Variants in DPYSL5 observed in about 807,000 individuals in gnomAD.
DPYSL5 encodes dihydropyrimidinase-related protein 5.
DPYSL5 carries 9 observed loss-of-function variants against 58.4 expected under a neutral mutation model. That is an observed-to-expected ratio of 0.15 (90% CI 0.09 to 0.27). The LOEUF (loss-of-function observed/expected upper bound fraction) is 0.27. Among genes scored for constraint, DPYSL5 ranks in the 10% least tolerant of loss-of-function variants. The probability of loss-of-function intolerance (pLI) is 1.00; values close to 1 mark genes in which losing one functional copy is unlikely to be tolerated. For missense variants in DPYSL5, 499 were observed against 770.6 expected, an observed-to-expected ratio of 0.65 and a Z score of 4.17; for synonymous variants, 293 against 301.9, an observed-to-expected ratio of 0.97 and a Z score of 0.31.
chr2:26,931,733 G>T, intron 6 of DPYSL5, 49 bp downstream of exon 6: 2 of 1,600,158 alleles, frequency 1.2e-6, no homozygotes, highest in Non-Finnish European at 1.7e-6. Flanking sequence ...CCTTGGCCAG[G>T]CACGGTGCTG....
chr2:26,879,212 G>C (rs539504784), intron 1 of DPYSL5, among the ~76,000 whole-genome samples: 1 of 152,212 alleles, frequency 6.6e-6, no homozygotes, highest in African/African-American at 2.4e-5. Context: ...AAATGATAAG[G>C]GCCTGACTTC....
chr2:26,919,332 A>C (rs1158476405), intron 2 of DPYSL5, among the ~76,000 whole-genome samples: 2 of 152,242 alleles, frequency 1.3e-5, no homozygotes, highest in African/African-American at 2.4e-5. Flanking sequence ...AAACTGTGTC[A>C]TAAAATGGAT....
chr2:26,898,079 T>C lies in DPYSL5; in HGVS notation c.-4-417T>C, dbSNP rs996826687. Among the ~76,000 whole-genome samples, 1 of 152,184 alleles carries C rather than the reference T, an allele frequency of 6.6e-6. No individual in the cohort carries two copies. The highest frequency in any genetic ancestry group is 1.5e-5 in the Non-Finnish European group (1 of 68,030). On this transcript the variant is annotated intron_variant, in intron 1 of 12. Transcript: ENST00000288699. This position sits in a 1 kb window ranked among gnomAD's most constrained non-coding sequence, Gnocchi z 6.1. The stretch of plus-strand genomic sequence containing the variant: ...GGAGACATTTGTTGTATAAGACATG[T>C]GGGTTCGACTTGGCTACTTGATAAC...
intron 2 of DPYSL5, among the ~76,000 whole-genome samples, chr2:26,916,640 T>A (rs1308090588): frequency 6.6e-6 from 1 of 152,172 alleles, no homozygotes; most frequent in Non-Finnish European, 1.5e-5. Flanking sequence ...GCTACACCAT[T>A]TCCTACCTTG....
At chr2:26,899,336 T>C (rs574610579) in intron 2 of DPYSL5, among the ~76,000 whole-genome samples, 1 of 152,298 alleles carries the variant, frequency 6.6e-6, no homozygotes, top group Admixed American at 6.5e-5. Flanking sequence ...AGTTCCTGAA[T>C]GCCAAGTACA....
At chr2:26,871,197 C>A (rs1194947356) in intron 1 of DPYSL5, among the ~76,000 whole-genome samples, 1 of 152,146 alleles carries the variant, frequency 6.6e-6, no homozygotes, top group African/African-American at 2.4e-5. Context: ...TTAACCTATT[C>A]ACTCTCTGGC....
chr2:26,927,399 C>T lies in DPYSL5; in HGVS notation c.567C>T (p.Arg189=), dbSNP rs375356199. Residue 189 remains arginine (R), a synonymous_variant, in exon 4 of 13, where the codon CGC becomes CGT. Transcript: ENST00000288699. The surrounding 1 kb of genome is among the most constrained non-coding windows in gnomAD (Gnocchi z 4.3). ...GCAAGGACATTGGGGCAATCGCCCG[C>T]GTCCATGCTGAAAATGGGGAGCTTG... is the stretch of plus-strand genomic sequence containing the variant. ...HACKDIGAIA[R]VHAENGELVA... 9.9e-6 allele frequency: 16 copies of T among 1,614,168 alleles called. No individual in the cohort carries two copies. The highest frequency in any genetic ancestry group is 8.0e-5 in the African/African-American group (6 of 75,056).
At chr2:26,921,741 C>T (rs1054886235) in intron 2 of DPYSL5, among the ~76,000 whole-genome samples, 5 of 152,124 alleles carry the variant, frequency 3.3e-5, no homozygotes, top group African/African-American at 1.2e-4. Context: ...ACTCTTGTTT[C>T]GAGGCCTTGG....
intron 2 of DPYSL5, among the ~76,000 whole-genome samples, chr2:26,907,652 T>C (rs1369573458): frequency 6.6e-6 from 1 of 152,138 alleles, no homozygotes; most frequent in African/African-American, 2.4e-5. Flanking sequence ...GGACACCCCA[T>C]GCTGCCTGTT....
At chr2:26,868,134 G>A (rs945091653) in intron 1 of DPYSL5, among the ~76,000 whole-genome samples, 5 of 152,070 alleles carry the variant, frequency 3.3e-5, no homozygotes, top group South Asian at 2.1e-4. Context: ...ATATGTTGTT[G>A]GTTATTTAGC....
rs752705675 is a variant in DPYSL5, at chr2:26,877,823, C to T, written c.-4-20673C>T. ...GTTTTGTCCTGTAAACTACTTTCTTCACTCATAACCTCCCATGTCAATACT... is the reference window on the plus strand; with the variant it reads ...GTTTTGTCCTGTAAACTACTTTCTTTACTCATAACCTCCCATGTCAATACT... On this transcript the variant is annotated intron_variant, in intron 1 of 12. Coordinates refer to ENST00000288699, the MANE Select transcript of DPYSL5 (RefSeq NM_020134.4). The surrounding 1 kb of genome is among the most constrained non-coding windows in gnomAD (Gnocchi z 4.1). 6.6e-6 allele frequency among the ~76,000 whole-genome samples: 1 copy of T among 152,204 alleles called. No individual in the cohort carries two copies. Among genetic ancestry groups the T allele is most frequent in the Non-Finnish European group, 1.5e-5 (1 of 68,040 alleles).
chr2:26,944,041 C>T lies in DPYSL5; in HGVS notation c.1441-615C>T, dbSNP rs774525039. Among the ~76,000 whole-genome samples the T allele has an allele frequency of 5.3e-5, 8 of 152,072 alleles. No homozygotes were observed. Among genetic ancestry groups the T allele is most frequent in the Non-Finnish European group, 1.0e-4 (7 of 68,012 alleles). On this transcript the variant is annotated intron_variant, in intron 11 of 12. Transcript: ENST00000288699. The surrounding 1 kb of genome is among the most constrained non-coding windows in gnomAD (Gnocchi z 4.4). ...GCATGGTGGCTCACGCCTGTAATCC[C>T]GGAACTTTGGGAGGCCGAGGCGGGT...
intron 1 of DPYSL5, among the ~76,000 whole-genome samples, chr2:26,861,029 C>G (rs1665997809): frequency 6.6e-6 from 1 of 152,126 alleles, no homozygotes; most frequent in Non-Finnish European, 1.5e-5. Context: ...CTCACCCTGT[C>G]AGAGACTCAA....
intron 1 of DPYSL5, among the ~76,000 whole-genome samples, chr2:26,856,569 G>A (rs1307476397): frequency 2.6e-5 from 4 of 152,028 alleles, no homozygotes; most frequent in Non-Finnish European, 5.9e-5. Flanking sequence ...TCCGGTTTGG[G>A]GCTTTCATGG....
intron 1 of DPYSL5, among the ~76,000 whole-genome samples, chr2:26,887,955 A>G (rs902017853): frequency 6.6e-6 from 1 of 152,232 alleles, no homozygotes; most frequent in African/African-American, 2.4e-5. Context: ...ATCCAAAGAT[A>G]GCCACCATCT....
At chr2:26,913,874 G>A (rs190357834) in intron 2 of DPYSL5, among the ~76,000 whole-genome samples, 5 of 150,482 alleles carry the variant, frequency 3.3e-5, no homozygotes, top group Admixed American at 2.0e-4. Context: ...AATGTGCTTC[G>A]TGTCTCACCA....
intron 2 of DPYSL5, among the ~76,000 whole-genome samples, chr2:26,910,349 C>T (rs1393350693): frequency 1.3e-5 from 2 of 152,070 alleles, no homozygotes; most frequent in African/African-American, 2.4e-5. Flanking sequence ...TTTTCCCCAT[C>T]AGTAGTGACT....
intron 2 of DPYSL5, among the ~76,000 whole-genome samples, chr2:26,903,159 G>A (rs35538505): frequency 2.7e-5 from 4 of 150,866 alleles, no homozygotes; most frequent in African/African-American, 7.3e-5. Context: ...AACCTCTGTC[G>A]CCTGGGTTCA....
chr2:26,876,439 G>A (rs1408889771), intron 1 of DPYSL5, among the ~76,000 whole-genome samples: 2 of 152,204 alleles, frequency 1.3e-5, no homozygotes, highest in Non-Finnish European at 2.9e-5. Context: ...GATGGGATGG[G>A]TTAGAAGGGC....
Sources: allele counts gnomAD v4.1 joint callset (sites outside exome capture counted in the v4.1 genomes callset), GRCh38; gene constraint gnomAD v4.1.1; non-coding constraint Gnocchi (gnomAD v3.1); transcripts MANE v1.5; gene names NCBI Gene and HGNC (gene_info 2026-07-23, HGNC 2026-07-21).